DMRT3: variants seen among roughly 807,000 people sequenced by gnomAD.
DMRT3 encodes doublesex- and mab-3-related transcription factor 3.
A neutral mutation model predicts 34.9 loss-of-function variants in DMRT3; 29 were observed. The observed-to-expected ratio is 0.83, with a 90% CI of 0.62 to 1.13. The LOEUF is 1.13. Among genes scored for constraint, DMRT3 ranks in the 50% most tolerant of loss-of-function variants. The pLI is 0.00. For missense variants in DMRT3, 772 were observed against 629.1 expected (o/e 1.23, Z -2.43); for synonymous variants, 350 against 286.0 (o/e 1.22, Z -2.26).
rs929836787 is a variant in DMRT3, at chr9:991,072, AG to A, written c.*68del. 3 of 1,542,994 alleles carry A rather than the reference AG, an allele frequency of 1.9e-6. No individual in the cohort carries two copies. Among genetic ancestry groups the A allele is most frequent in the African/African-American group, 2.7e-5 (2 of 73,216 alleles). On this transcript the variant is annotated 3_prime_UTR_variant, in exon 2 of 2. Coordinates refer to ENST00000190165, the MANE Select transcript of DMRT3 (RefSeq NM_021240.4). ...CGTTTTGACCCTGAGGCATCTGAGGAGAGGCCACATCTTGTGTATGCCCTTT... is the reference window on the plus strand; with the variant it reads ...CGTTTTGACCCTGAGGCATCTGAGGAAGGCCACATCTTGTGTATGCCCTTT...
At chr9:985,806 A>C (rs998662731) in intron 1 of DMRT3, among the ~76,000 whole-genome samples, 1 of 152,182 alleles carries the variant, frequency 6.6e-6, no homozygotes, top group African/African-American at 2.4e-5. Context: ...GATTTGGCTC[A>C]CCCAGCACTA....
At chr9:986,873 A>C (rs1820291205) in intron 1 of DMRT3, among the ~76,000 whole-genome samples, 1 of 136,970 alleles carries the variant, frequency 7.3e-6, no homozygotes, top group South Asian at 2.5e-4. Flanking sequence ...CCTGGGTGAC[A>C]GAGTGAGACT....
Position 990,223 on chromosome 9 carries a change from A to T in DMRT3, c.637A>T (p.Asn213Tyr). The stretch of plus-strand genomic sequence containing the variant: ...ATACGCTGTCCAGAAAAACGGAGGC[A>T]ACCCCGAGAGCCGCCCTGACAGCCC... The part of the protein sequence containing the change: ...GGYAVQKNGG[N>Y]PESRPDSPKC... Residue 213 changes from asparagine (N) to tyrosine (Y), a missense_variant, in exon 2 of 2, where the codon AAC becomes TAC. Physicochemically the swap from Asn to Tyr is moderately radical, Grantham distance 143. Coordinates refer to ENST00000190165, the MANE Select transcript of DMRT3 (RefSeq NM_021240.4). The T allele has an allele frequency of 1.2e-6, 2 of 1,614,026 alleles. No individual in the cohort carries two copies. The highest frequency in any genetic ancestry group is 1.7e-6 in the Non-Finnish European group (2 of 1,180,020).
intron 1 of DMRT3, 25 bp from the exon 2 acceptor site, chr9:990,016 T>A (rs753335535): frequency 1.2e-6 from 2 of 1,611,118 alleles, no homozygotes; most frequent in South Asian, 2.2e-5. Flanking sequence ...CAGGAAAAGA[T>A]TAACTCAGCT....
intron 1 of DMRT3, among the ~76,000 whole-genome samples, chr9:982,285 G>A (rs570197553): frequency 1.3e-5 from 2 of 152,312 alleles, no homozygotes; most frequent in South Asian, 4.1e-4. Context: ...GGTCCATCCT[G>A]TGGATCTGGG....
At chr9:983,424 A>C (rs758098860) in intron 1 of DMRT3, among the ~76,000 whole-genome samples, 5 of 152,200 alleles carry the variant, frequency 3.3e-5, no homozygotes, top group African/African-American at 4.8e-5. Flanking sequence ...CCCAGCTGCT[A>C]TCCTTGGAAT....
rs1166781218 is a variant in DMRT3 at position 990,104 on chromosome 9, A to C, written c.518A>C (p.Lys173Thr). The change falls in exon 2 of 2, where the codon AAA becomes ACA. Residue 173 changes from lysine (K) to threonine (T), a missense_variant. Transcript: ENST00000190165. ...GACAATACAGAGGTCTTCAGTGACA[A>C]AGACACTGACCAGAGGAGTTCCCCA... ...SADNTEVFSD[K>T]DTDQRSSPDV... The C allele has an allele frequency of 6.2e-7, 1 of 1,614,014 alleles. No homozygotes were observed. The highest frequency in any genetic ancestry group is 1.1e-5 in the South Asian group (1 of 91,068).
At position 977,107 on chromosome 9, in the gene DMRT3, G is replaced by A. The variant is rs373601743; in HGVS notation, c.106G>A (p.Gly36Ser). 7.5e-6 allele frequency: 12 copies of A among 1,608,146 alleles called. No homozygotes were observed. Among genetic ancestry groups the A allele is most frequent in the Non-Finnish European group, 1.0e-5 (12 of 1,177,788 alleles). ...TPKCARCRNH[G>S]VLSWLKGHKR... ...CAAGTGCGCGCGCTGCCGCAACCAT[G>A]GCGTCCTGTCCTGGCTCAAGGGCCA... Residue 36 changes from glycine (G) to serine (S), a missense_variant, in exon 1 of 2, where the codon GGC becomes AGC. Physicochemically the swap from Gly to Ser is moderately conservative, Grantham distance 56 (BLOSUM62 0). Transcript: ENST00000190165.
rs1329318983 is a variant in DMRT3, at chr9:990,525, C to G, written c.939C>G (p.Ile313Met). 1 of 1,614,110 alleles carries G rather than the reference C, an allele frequency of 6.2e-7. No homozygotes were observed. Among genetic ancestry groups the G allele is most frequent in the South Asian group, 1.1e-5 (1 of 91,076 alleles). The change falls in exon 2 of 2, where the codon ATC becomes ATG. Residue 313 changes from isoleucine (I) to methionine (M), a missense_variant. By Grantham distance (10) the Ile-to-Met change is conservative (BLOSUM62 1). Transcript: ENST00000190165. ...TAGCGTTGCCCTCCAATGGGCACAT[C>G]TTTGAACACACCTTGAGCTCCTACC... ...ESLALPSNGH[I>M]FEHTLSSYPI...
rs762281629 is a variant in DMRT3, at chr9:990,192, A to AG, written c.611dup (p.Tyr205IlefsTer15). On this transcript the variant is annotated frameshift_variant, in exon 2 of 2. Transcript: ENST00000190165. LOFTEE classifies it high-confidence loss of function. ...GCCCTGAGATAGTGTCCGTGGAGGA[A>AG]GGGGGATACGCTGTCCAGAAAAACG... 1 of 1,613,976 alleles carries AG rather than the reference A, an allele frequency of 6.2e-7. No individual in the cohort carries two copies. Among genetic ancestry groups the AG allele is most frequent in the Non-Finnish European group, 8.5e-7 (1 of 1,179,990 alleles).
chr9:982,375 C>A (rs1820232567), intron 1 of DMRT3, among the ~76,000 whole-genome samples: 1 of 152,234 alleles, frequency 6.6e-6, no homozygotes, highest in South Asian at 2.1e-4. Context: ...GAACCTCTCT[C>A]CACCTCCAAA....
At chr9:985,169 A>C (rs1374320492) in intron 1 of DMRT3, among the ~76,000 whole-genome samples, 1 of 152,222 alleles carries the variant, frequency 6.6e-6, no homozygotes, top group Non-Finnish European at 1.5e-5. Flanking sequence ...GAGAATATTA[A>C]GATTTTAAAA....
intron 1 of DMRT3, among the ~76,000 whole-genome samples, chr9:982,398 G>A (rs1820233050): frequency 6.6e-6 from 1 of 152,222 alleles, no homozygotes. Context: ...ACTCCTTGGT[G>A]TTATAAATCT....
chr9:982,839 T>A (rs1405419991), intron 1 of DMRT3, among the ~76,000 whole-genome samples: 1 of 152,194 alleles, frequency 6.6e-6, no homozygotes, highest in Non-Finnish European at 1.5e-5. Context: ...CTTCCTCGCC[T>A]CTTGCTTTTT....
In DMRT3 at chr9:991,638, C is replaced by T. The variant is rs1820364886; in HGVS notation, c.*633C>T. 1.3e-5 allele frequency: 2 copies of T among 152,584 alleles called. No individual in the cohort carries two copies. The highest frequency in any genetic ancestry group is 2.9e-5 in the Non-Finnish European group (2 of 68,042). The allele number at this position is 152,584 out of a possible 1,614,324, so 9.5% of individuals were successfully genotyped here. On this transcript the variant is annotated 3_prime_UTR_variant, in exon 2 of 2. Transcript: ENST00000190165. ...TAAAACCAATCACAGCTGTGAACTG[C>T]ATGAAATGTATTGTGAAACGAACAC...
chr9:981,888 G>T (rs1200880261), intron 1 of DMRT3, among the ~76,000 whole-genome samples: 1 of 152,180 alleles, frequency 6.6e-6, no homozygotes, highest in African/African-American at 2.4e-5. Context: ...GAACCGCCCA[G>T]AGACAGCCAC....
chr9:990,857 T>C lies in DMRT3; in HGVS notation c.1271T>C (p.Val424Ala), dbSNP rs1433843127. 12 of 1,614,150 alleles carry C rather than the reference T, an allele frequency of 7.4e-6. No individual in the cohort carries two copies. Among genetic ancestry groups the C allele is most frequent in the Non-Finnish European group, 1.0e-5 (12 of 1,180,012 alleles). The change falls in exon 2 of 2, where the codon GTC becomes GCC. Residue 424 changes from valine to alanine, a missense_variant. Coordinates refer to ENST00000190165, the MANE Select transcript of DMRT3 (RefSeq NM_021240.4). ...ACCAGCGTCTTCAGAAGCTCGCCCG[T>C]CCTTCCTGCCCGCGCCACGGAAGAC... ...NSTSVFRSSPVLPARATEDPR... is the reference protein window; with the variant it reads ...NSTSVFRSSPALPARATEDPR...
rs760176918 is a variant in DMRT3, at chr9:976,988, C to T, written c.-14C>T. The T allele has an allele frequency of 2.0e-6, 3 of 1,472,138 alleles. No individual in the cohort carries two copies. The highest frequency in any genetic ancestry group is 1.8e-6 in the Non-Finnish European group (2 of 1,109,606). The allele number at this position is 1,472,138 out of a possible 1,614,324, so 91.2% of individuals were successfully genotyped here. A position where few individuals can be genotyped will look rare whatever the true frequency, so the allele number is the denominator to read the frequency against. ...CCCGCAGCCAGGCTGCCAACTCATT[C>T]GGGAGCCCGGGGCATGAACGGCTAC... On this transcript the variant is annotated 5_prime_UTR_variant, in exon 1 of 2. Transcript: ENST00000190165. The surrounding 1 kb of genome is among the most constrained non-coding windows in gnomAD (Gnocchi z 4.5).
chr9:981,740 G>T (rs1041169528), intron 1 of DMRT3, among the ~76,000 whole-genome samples: 13 of 152,192 alleles, frequency 8.5e-5, no homozygotes, highest in African/African-American at 2.7e-4. Context: ...AGGGGGCAGC[G>T]GCTCCTTGCG....
Sources: allele counts gnomAD v4.1 joint callset (sites outside exome capture counted in the v4.1 genomes callset), GRCh38; gene constraint gnomAD v4.1.1; non-coding constraint Gnocchi (gnomAD v3.1); transcripts MANE v1.5; gene names NCBI Gene and HGNC (gene_info 2026-07-23, HGNC 2026-07-21).